Variants in AGAP1 observed in about 807,000 individuals in gnomAD.
AGAP1 encodes the protein ArfGAP with GTPase domain, ankyrin repeat and PH domain 1, also known as arf-GAP with GTPase, ANK repeat and PH domain-containing protein 1.
A neutral mutation model predicts 105.3 loss-of-function variants in AGAP1; 29 were observed. That is an observed-to-expected ratio of 0.28 (90% CI 0.21 to 0.38). AGAP1 has a LOEUF of 0.38. AGAP1 is among the 10% of genes least tolerant of loss of function. The probability of loss-of-function intolerance (pLI) is 1.00; values close to 1 mark genes in which losing one functional copy is unlikely to be tolerated. For missense variants in AGAP1, 998 were observed against 1,165.1 expected (o/e 0.86, Z 2.09); for synonymous variants, 509 against 485.9 (o/e 1.05, Z -0.63).
At position 235,716,201 on chromosome 2, in the gene AGAP1, G is replaced by A. The variant is rs1194394968; in HGVS notation, c.223-1356G>A. Reference sequence around the variant, plus strand: ...AGGCGCATGTTGGGACATTAGAGTGGAGGATCAGCTGGAGATGTGAGGATG... The same window carrying A: ...AGGCGCATGTTGGGACATTAGAGTGAAGGATCAGCTGGAGATGTGAGGATG... On this transcript the variant is annotated intron_variant, in intron 2 of 17. Coordinates refer to ENST00000304032, the MANE Select transcript of AGAP1 (RefSeq NM_001037131.3). The surrounding 1 kb of genome is among the most constrained non-coding windows in gnomAD (Gnocchi z 4.0). 2.0e-5 allele frequency among the ~76,000 whole-genome samples: 3 copies of A among 152,186 alleles called. No homozygotes were observed. The highest frequency in any genetic ancestry group is 7.2e-5 in the African/African-American group (3 of 41,446).
Position 235,992,697 on chromosome 2 carries a change from A to T in AGAP1, c.1645+24074A>T, listed in dbSNP as rs182018649. 2.0e-4 allele frequency among the ~76,000 whole-genome samples: 31 copies of T among 152,310 alleles called. No individual in the cohort carries two copies. In the East Asian group the frequency reaches 6.0e-3, roughly 29 times the overall value. The stretch of plus-strand genomic sequence containing the variant: ...ACCACATTTTTAAGGTGACTCTTCA[A>T]CTCACCAAGAATATCGTGGCCGCTG... On this transcript the variant is annotated intron_variant, in intron 13 of 17. Transcript: ENST00000304032. The surrounding 1 kb of genome is among the most constrained non-coding windows in gnomAD (Gnocchi z 4.8).
At chr2:235,573,106 T>C (rs1335364696) in intron 1 of AGAP1, among the ~76,000 whole-genome samples, 1 of 120,202 alleles carries the variant, frequency 8.3e-6, no homozygotes, top group Non-Finnish European at 1.7e-5. Context: ...TTCTTCTTCC[T>C]TTTTTTTTTT....
In AGAP1 at chr2:235,663,414, T is replaced by G. The variant is rs1344701872; in HGVS notation, c.164-45765T>G. Among the ~76,000 whole-genome samples the G allele has an allele frequency of 2.6e-5, 4 of 152,148 alleles. No homozygotes were observed. The highest frequency in any genetic ancestry group is 5.9e-5 in the Non-Finnish European group (4 of 68,022). On this transcript the variant is annotated intron_variant, in intron 1 of 17. Transcript: ENST00000304032. This position sits in a 1 kb window ranked among gnomAD's most constrained non-coding sequence, Gnocchi z 5.4. ...CATCGTAGGCATTTTGTTTTCTACA[T>G]TTAGAGGAAAAATATACATCAAATA...
Position 235,929,505 on chromosome 2 carries a change from C to CT in AGAP1, c.1325-1251dup, listed in dbSNP as rs201637457. Among the ~76,000 whole-genome samples, 458 of 151,342 alleles carry CT rather than the reference C, an allele frequency of 3.0e-3. 2 individuals are homozygous for CT. The highest frequency in any genetic ancestry group is 4.8e-3 in the Non-Finnish European group (324 of 67,728). ...CAACAGCATAAAATAGGTATCTTTT[C>CT]TTTTTTTTTAAGGCAGAACTCTATT... On this transcript the variant is annotated intron_variant, in intron 11 of 17. Transcript: ENST00000304032.
At chr2:235,914,331 T>C (rs943308498) in intron 11 of AGAP1, among the ~76,000 whole-genome samples, 1 of 152,182 alleles carries the variant, frequency 6.6e-6, no homozygotes, top group Non-Finnish European at 1.5e-5. Context: ...ATGCCCACCC[T>C]TGATTAATGC....
At chr2:235,571,558 T>A (rs767964821) in intron 1 of AGAP1, among the ~76,000 whole-genome samples, 2 of 152,182 alleles carry the variant, frequency 1.3e-5, no homozygotes, top group African/African-American at 2.4e-5. Flanking sequence ...AAGGTTAAAA[T>A]ATTAACCACC....
At chr2:235,670,974 C>G in intron 1 of AGAP1, 3 of 1,318,582 alleles carry the variant, frequency 2.3e-6, no homozygotes, top group Non-Finnish European at 2.9e-6. Context: ...GCCTCGCGGC[C>G]ACGCGGCTAC....
chr2:235,764,298 C>G (rs185999518), intron 6 of AGAP1, among the ~76,000 whole-genome samples: 1 of 152,330 alleles, frequency 6.6e-6, no homozygotes, highest in African/African-American at 2.4e-5. Context: ...CTCTACCCTT[C>G]ATTTTCATGC....
Position 235,789,118 on chromosome 2 carries a change from A to G in AGAP1, c.674-8641A>G, listed in dbSNP as rs572884571. Among the ~76,000 whole-genome samples, 2 of 152,386 alleles carry G rather than the reference A, an allele frequency of 1.3e-5. No homozygotes were observed. Among genetic ancestry groups the G allele is most frequent in the African/African-American group, 2.4e-5 (1 of 41,592 alleles). ...TGATTTGAAGTCCCCTTTACCACAA[A>G]TAACTACTTTATACCAGAATTGGAT... On this transcript the variant is annotated intron_variant, in intron 6 of 17. Coordinates refer to ENST00000304032, the MANE Select transcript of AGAP1 (RefSeq NM_001037131.3). The surrounding 1 kb of genome is among the most constrained non-coding windows in gnomAD (Gnocchi z 4.2).
In AGAP1 at chr2:236,090,574, C is replaced by T. The variant is rs1300029093; in HGVS notation, c.2115-29618C>T. Among the ~76,000 whole-genome samples the T allele has an allele frequency of 6.6e-6, 1 of 152,148 alleles. No individual in the cohort carries two copies. The highest frequency in any genetic ancestry group is 1.5e-5 in the Non-Finnish European group (1 of 68,034). The stretch of plus-strand genomic sequence containing the variant: ...GCGGGGGTCGGAGGGAGGCCTTCCT[C>T]CTGCAGCGTGTTTCCAGTTGTTCGG... On this transcript the variant is annotated intron_variant, in intron 16 of 17. Transcript: ENST00000304032. The surrounding 1 kb of genome is among the most constrained non-coding windows in gnomAD (Gnocchi z 4.3).
chr2:236,061,377 T>C lies in AGAP1; in HGVS notation c.2114+12096T>C, dbSNP rs1277372594. ...TATACCTAAGATAAATGAAAACACT[T>C]GTCCACACAAAAATGTACACCTGAG... On this transcript the variant is annotated intron_variant, in intron 16 of 17. Transcript: ENST00000304032. The surrounding 1 kb of genome is among the most constrained non-coding windows in gnomAD (Gnocchi z 4.1). Among the ~76,000 whole-genome samples, 1 of 152,138 alleles carries C rather than the reference T, an allele frequency of 6.6e-6. No individual in the cohort carries two copies. The highest frequency in any genetic ancestry group is 2.4e-5 in the African/African-American group (1 of 41,426).
At chr2:236,099,298 C>CAAAAAAATACAAAAAAA (rs1553571396) in intron 16 of AGAP1, among the ~76,000 whole-genome samples, 9 of 151,728 alleles carry the variant, frequency 5.9e-5, no homozygotes, top group Non-Finnish European at 5.9e-5. Context: ...TAAAAAAATA[C>CAAAAAAATACAAAAAAA]AAAAAAATTA....
intron 12 of AGAP1, among the ~76,000 whole-genome samples, chr2:235,950,733 C>A (rs1000729286): frequency 2.0e-5 from 3 of 152,174 alleles, no homozygotes. Context: ...TCAATTATTA[C>A]ATTTTGGAGC....
chr2:236,000,077 G>A lies in AGAP1; in HGVS notation c.1645+31454G>A, dbSNP rs950344011. ...TGCAGGCGTCCTCGAAGGTTTGTTT[G>A]TTAGTAGCCATAACCGTGCAGCATC... On this transcript the variant is annotated intron_variant, in intron 13 of 17. Coordinates refer to ENST00000304032, the MANE Select transcript of AGAP1 (RefSeq NM_001037131.3). The surrounding 1 kb of genome is among the most constrained non-coding windows in gnomAD (Gnocchi z 4.3). Among the ~76,000 whole-genome samples, 4 of 152,154 alleles carry A rather than the reference G, an allele frequency of 2.6e-5. No homozygotes were observed. Among genetic ancestry groups the A allele is most frequent in the Admixed American group, 2.6e-4 (4 of 15,284 alleles).
At position 235,754,108 on chromosome 2, in the gene AGAP1, C is replaced by T. The variant is rs1376630352; in HGVS notation, c.673+3620C>T. On this transcript the variant is annotated intron_variant, in intron 6 of 17. Coordinates refer to ENST00000304032, the MANE Select transcript of AGAP1 (RefSeq NM_001037131.3). This position sits in a 1 kb window ranked among gnomAD's most constrained non-coding sequence, Gnocchi z 4.6. ...GGGACACAGCCTGGACTGGATCCCCCATCTTGGGACCTGAGAGCCTCGACT... is the reference window on the plus strand; with the variant it reads ...GGGACACAGCCTGGACTGGATCCCCTATCTTGGGACCTGAGAGCCTCGACT... Among the ~76,000 whole-genome samples, 1 of 152,174 alleles carries T rather than the reference C, an allele frequency of 6.6e-6. No individual in the cohort carries two copies. Among genetic ancestry groups the T allele is most frequent in the Non-Finnish European group, 1.5e-5 (1 of 68,030 alleles).
In AGAP1 at chr2:235,919,269, C is replaced by T. The variant is rs1400117483; in HGVS notation, c.1324+10363C>T. On this transcript the variant is annotated intron_variant, in intron 11 of 17. Transcript: ENST00000304032. The surrounding 1 kb of genome is among the most constrained non-coding windows in gnomAD (Gnocchi z 4.1). The stretch of plus-strand genomic sequence containing the variant: ...GGCTAGAGTTGAGTCCGTGGCTTCC[C>T]TGCTTCCTGCAGTCCTTTCCCACAC... Among the ~76,000 whole-genome samples the T allele has an allele frequency of 1.3e-5, 2 of 152,220 alleles. No homozygotes were observed. The highest frequency in any genetic ancestry group is 3.8e-4 in the East Asian group (2 of 5,196).
intron 12 of AGAP1, among the ~76,000 whole-genome samples, chr2:235,939,929 C>T (rs992080511): frequency 7.9e-5 from 12 of 152,126 alleles, no homozygotes; most frequent in Admixed American, 6.5e-4. Context: ...TCAGAAGATA[C>T]CCAAATTCAC....
At chr2:235,508,336 T>C (rs995059440) in intron 1 of AGAP1, among the ~76,000 whole-genome samples, 1 of 152,224 alleles carries the variant, frequency 6.6e-6, no homozygotes, top group East Asian at 1.9e-4. Flanking sequence ...TTTTGATGTT[T>C]TAGTAAAGTA....
intron 12 of AGAP1, among the ~76,000 whole-genome samples, chr2:235,932,820 C>A (rs943229889): frequency 1.3e-5 from 2 of 152,236 alleles, no homozygotes; most frequent in African/African-American, 2.4e-5. Flanking sequence ...ACACTGCTTT[C>A]CAGAGCCTCC....
Sources: allele counts gnomAD v4.1 joint callset (sites outside exome capture counted in the v4.1 genomes callset), GRCh38; gene constraint gnomAD v4.1.1; non-coding constraint Gnocchi (gnomAD v3.1); transcripts MANE v1.5; gene names NCBI Gene and HGNC (gene_info 2026-07-23, HGNC 2026-07-21).